GUCA1B: variants seen among roughly 807,000 people sequenced by gnomAD.
The protein encoded by GUCA1B is guanylate cyclase activator 1B.
Under a neutral mutation model 24.2 loss-of-function variants are expected in GUCA1B, and 22 were observed. The observed-to-expected ratio is 0.91, with a 90% CI of 0.65 to 1.30. The LOEUF (loss-of-function observed/expected upper bound fraction) is 1.30. Among genes scored for constraint, GUCA1B ranks in the 50% most tolerant of loss-of-function variants. The pLI, the probability that GUCA1B is intolerant of heterozygous loss-of-function variation, is 0.00. For synonymous variants in GUCA1B, 100 were observed against 97.9 expected (o/e 1.02, Z -0.13); for missense variants, 221 against 258.8 (o/e 0.85, Z 1.00).
chr6:42,194,662 C>T lies in GUCA1B; in HGVS notation c.159G>A (p.Glu53=). ...ACATGCCCTCTACATACTGGGAGGC[C>T]TCCTCATCGTCTGTGACCTTGAAGA... The part of the protein sequence containing the change: ...KRFFKVTDDE[E]ASQYVEGMFR... The change falls in exon 1 of 4, where the codon GAG becomes GAA. Residue 53 remains glutamate (E), a synonymous_variant. Transcript: ENST00000230361. 6.2e-7 allele frequency: 1 copy of T among 1,613,794 alleles called. No homozygotes were observed.
intron 2 of GUCA1B, among the ~76,000 whole-genome samples, chr6:42,186,005 G>A (rs1027038495): frequency 3.3e-5 from 5 of 152,094 alleles, no homozygotes; most frequent in Admixed American, 1.3e-4. Context: ...CTGAGTTCCC[G>A]GCCTCACACC....
intron 1 of GUCA1B, among the ~76,000 whole-genome samples, 153 bp downstream of exon 1, chr6:42,194,461 G>T (rs1420653442): frequency 6.6e-6 from 1 of 152,182 alleles, no homozygotes; most frequent in East Asian, 1.9e-4. Flanking sequence ...GAAGGGTTTG[G>T]TGAGTGAGAC....
intron 1 of GUCA1B, among the ~76,000 whole-genome samples, chr6:42,189,581 C>A (rs546455299): frequency 8.2e-4 from 125 of 152,278 alleles, no homozygotes; most frequent in Middle Eastern, 3.4e-3. Flanking sequence ...CTACCCACTT[C>A]TAGGTCCCAG....
chr6:42,188,484 C>T (rs1418265582), intron 2 of GUCA1B, 98 bp downstream of exon 2: 2 of 996,978 alleles, frequency 2.0e-6, no homozygotes, highest in Non-Finnish European at 3.2e-6. Flanking sequence ...GATTTCAAGG[C>T]CTCTTCTTCA....
chr6:42,189,582 T>C (rs1768266046), intron 1 of GUCA1B, among the ~76,000 whole-genome samples: 1 of 152,126 alleles, frequency 6.6e-6, no homozygotes, highest in South Asian at 2.1e-4. Context: ...TACCCACTTC[T>C]AGGTCCCAGT....
At chr6:42,185,052 A>C in intron 3 of GUCA1B, 110 bp from the exon 4 acceptor site, 1 of 984,516 alleles carries the variant, frequency 1.0e-6, no homozygotes, top group Admixed American at 1.9e-5. Flanking sequence ...TATGCCAACT[A>C]TCCTGCAGTC....
chr6:42,183,360 T>C lies in GUCA1B; in HGVS notation c.*1455A>G, dbSNP rs955796530. Among the ~76,000 whole-genome samples the C allele has an allele frequency of 6.6e-6, 1 of 152,200 alleles. No individual in the cohort carries two copies. Among genetic ancestry groups the C allele is most frequent in the African/African-American group, 2.4e-5 (1 of 41,456 alleles). On this transcript the variant is annotated 3_prime_UTR_variant, in exon 4 of 4. Transcript: ENST00000230361. ...CTATTCAAGGTAAAGCAAATGTTTT[T>C]CCAGGTCTCACTTTAAACTGTCTTA... is the stretch of plus-strand genomic sequence containing the variant.
chr6:42,188,938 A>ATATCTATATCAT (rs1562063776), intron 1 of GUCA1B, among the ~76,000 whole-genome samples: 4 of 114,124 alleles, frequency 3.5e-5, no homozygotes, highest in African/African-American at 1.4e-4. Flanking sequence ...TCTCTATCTG[A>ATATCTATATCAT]CTATCTATCA....
In GUCA1B at chr6:42,184,720, A is replaced by G. The variant is rs886061398; in HGVS notation, c.*95T>C. Reference sequence around the variant, plus strand: ...CAGGGGGTGCCAGGAAGTCAACACCAGGGGAAGAGTGGGCATGAGCAGGCT... The same window carrying G: ...CAGGGGGTGCCAGGAAGTCAACACCGGGGGAAGAGTGGGCATGAGCAGGCT... On this transcript the variant is annotated 3_prime_UTR_variant, in exon 4 of 4. Transcript: ENST00000230361. 11 of 1,261,932 alleles carry G rather than the reference A, an allele frequency of 8.7e-6. No individual in the cohort carries two copies. Among genetic ancestry groups the G allele is most frequent in the Admixed American group, 8.4e-5 (5 of 59,522 alleles). The allele number at this position is 1,261,932 out of a possible 1,614,324, so 78.2% of individuals were successfully genotyped here.
At chr6:42,186,620 C>CAT (rs1768197842) in intron 2 of GUCA1B, among the ~76,000 whole-genome samples, 1 of 136,270 alleles carries the variant, frequency 7.3e-6, no homozygotes, top group African/African-American at 3.0e-5. Flanking sequence ...AAAGAAAGCA[C>CAT]CATGTAAATG....
intron 1 of GUCA1B, 37 bp from the exon 2 acceptor site, chr6:42,188,768 A>G (rs1287406220): frequency 1.1e-5 from 18 of 1,593,328 alleles, no homozygotes; most frequent in Non-Finnish European, 1.3e-5. Context: ...GGCACAGCCC[A>G]CCTCCCCAGA....
chr6:42,185,009 G>A, intron 3 of GUCA1B, 67 bp from the exon 4 acceptor site: 1 of 1,487,102 alleles, frequency 6.7e-7, no homozygotes, highest in African/African-American at 1.4e-5. Context: ...GGCAGGAGGA[G>A]AGACCTCGCT....
intron 1 of GUCA1B, among the ~76,000 whole-genome samples, chr6:42,191,159 T>G (rs1332080975): frequency 6.6e-6 from 1 of 152,152 alleles, no homozygotes; most frequent in Admixed American, 6.5e-5. Context: ...CTCTGTGGGA[T>G]TATCTGCCCT....
chr6:42,187,915 T>C (rs1175753715), intron 2 of GUCA1B, among the ~76,000 whole-genome samples: 1 of 151,982 alleles, frequency 6.6e-6, no homozygotes, highest in Non-Finnish European at 1.5e-5. Flanking sequence ...GGCATGATCA[T>C]AGCTTACTGC....
Position 42,184,594 on chromosome 6 carries a change from C to A in GUCA1B, c.*221G>T. The A allele has an allele frequency of 1.7e-6, 1 of 602,768 alleles. No individual in the cohort carries two copies. The highest frequency in any genetic ancestry group is 1.7e-5 in the South Asian group (1 of 57,256). The allele number at this position is 602,768 out of a possible 1,614,324, so 37.3% of individuals were successfully genotyped here. On this transcript the variant is annotated 3_prime_UTR_variant, in exon 4 of 4. Coordinates refer to ENST00000230361, the MANE Select transcript of GUCA1B (RefSeq NM_002098.6). ...AGGAGCGGCTGAACAGGAAAAGTAA[C>A]TGAATTCCCTTCACCATCCCAGGGA...
intron 1 of GUCA1B, among the ~76,000 whole-genome samples, chr6:42,191,454 GAC>G (rs1486111545): frequency 1.3e-5 from 2 of 152,102 alleles, no homozygotes; most frequent in Non-Finnish European, 2.9e-5. Context: ...GTTCCGAAAT[GAC>G]ACTCCTTGAT....
chr6:42,193,924 T>G (rs1012845411), intron 1 of GUCA1B, among the ~76,000 whole-genome samples: 1 of 152,194 alleles, frequency 6.6e-6, no homozygotes, highest in South Asian at 2.1e-4. Context: ...ATCAAGGGGT[T>G]TTTAACTGAA....
At chr6:42,190,541 T>C (rs1768288233) in intron 1 of GUCA1B, among the ~76,000 whole-genome samples, 1 of 152,128 alleles carries the variant, frequency 6.6e-6, no homozygotes, top group African/African-American at 2.4e-5. Context: ...TAAAAGGCTA[T>C]TTTCTCGAGT....
intron 2 of GUCA1B, among the ~76,000 whole-genome samples, chr6:42,187,538 A>G (rs2113845276): frequency 6.7e-6 from 1 of 149,620 alleles, no homozygotes; most frequent in African/African-American, 2.5e-5. Context: ...CTCCCACCTC[A>G]GCCTTTGGAG....
Sources: allele counts gnomAD v4.1 joint callset (sites outside exome capture counted in the v4.1 genomes callset), GRCh38; gene constraint gnomAD v4.1.1; transcripts MANE v1.5; gene names NCBI Gene and HGNC (gene_info 2026-07-23, HGNC 2026-07-21).